Variants in PWWP2B observed in about 807,000 individuals in gnomAD.
The protein encoded by PWWP2B is PWWP domain containing 2B.
PWWP2B carries 9 observed loss-of-function variants against 15.5 expected under a neutral mutation model. The observed-to-expected ratio is 0.58, with a 90% CI of 0.35 to 1.02. PWWP2B has a LOEUF of 1.02. Among genes scored for constraint, PWWP2B ranks in the 50% least tolerant of loss-of-function variants. The pLI is 0.02. For synonymous variants in PWWP2B, 474 were observed against 403.6 expected (o/e 1.17, Z -2.09); for missense variants, 864 against 865.3 (o/e 1.00, Z 0.02).
chr10:132,397,715 A>G (rs1290877995), intron 1 of PWWP2B, among the ~76,000 whole-genome samples: 1 of 152,222 alleles, frequency 6.6e-6, no homozygotes, highest in Non-Finnish European at 1.5e-5. Context: ...GGGGAGGGTC[A>G]GATGCGCCGT....
chr10:132,409,834 C>A (rs539566048), intron 2 of PWWP2B, among the ~76,000 whole-genome samples: 3 of 152,224 alleles, frequency 2.0e-5, no homozygotes, highest in Non-Finnish European at 4.4e-5. Context: ...GGACTGGGAT[C>A]CGGGAAGGCT....
Position 132,417,100 on chromosome 10 carries a change from C to A in PWWP2B, c.*56C>A. On this transcript the variant is annotated 3_prime_UTR_variant, in exon 3 of 3. Coordinates refer to ENST00000305233, the MANE Select transcript of PWWP2B (RefSeq NM_138499.4). Reference sequence around the variant, plus strand: ...GGGCGCACCTGCTGTCCTGGAGCTTCCGATCTCTGTTCGGGGACCCTGTGA... The same window carrying A: ...GGGCGCACCTGCTGTCCTGGAGCTTACGATCTCTGTTCGGGGACCCTGTGA... 6.2e-7 allele frequency: 1 copy of A among 1,613,654 alleles called. No individual in the cohort carries two copies. The highest frequency in any genetic ancestry group is 1.1e-5 in the South Asian group (1 of 91,078).
At chr10:132,403,462 G>A (rs1177068269) in intron 1 of PWWP2B, among the ~76,000 whole-genome samples, 1 of 152,216 alleles carries the variant, frequency 6.6e-6, no homozygotes, top group African/African-American at 2.4e-5. Flanking sequence ...GGTAACATCA[G>A]CGTTCGCAGA....
Position 132,408,352 on chromosome 10 carries a change from G to A in PWWP2B, c.*16+2063G>A, listed in dbSNP as rs891009754. Among the ~76,000 whole-genome samples, 7 of 152,218 alleles carry A rather than the reference G, an allele frequency of 4.6e-5. No individual in the cohort carries two copies. In the South Asian group the frequency reaches 6.2e-4, roughly 14 times the overall value. The stretch of plus-strand genomic sequence containing the variant: ...ACGTTTGCTTTGAAGTGTCAGCAGC[G>A]CACCTCTGGTCTGCTCTTTGTAGGG... On this transcript the variant is annotated intron_variant, in intron 2 of 2. Transcript: ENST00000305233.
intron 1 of PWWP2B, among the ~76,000 whole-genome samples, chr10:132,403,763 G>A (rs1294138203): frequency 6.6e-6 from 1 of 152,258 alleles, no homozygotes; most frequent in Non-Finnish European, 1.5e-5. Flanking sequence ...GCAGCCGCGG[G>A]GCCTTAATTG....
chr10:132,405,691 T>A lies in PWWP2B; in HGVS notation c.1191T>A (p.Gly397=), dbSNP rs751863718. ...ATGACTTCAAGAGCTGTCCCCAGGG[T>A]CCACAGGGACGCGAGGGCTTGGCTT... The part of the protein sequence containing the change: ...EDDDFKSCPQ[G]PQGREGLAFL... The change falls in exon 2 of 3, where the codon GGT becomes GGA. Residue 397 remains glycine, a synonymous_variant. Coordinates refer to ENST00000305233, the MANE Select transcript of PWWP2B (RefSeq NM_138499.4). 18 of 1,612,154 alleles carry A rather than the reference T, an allele frequency of 1.1e-5. No homozygotes were observed. In the East Asian group the frequency reaches 4.0e-4, roughly 36 times the overall value.
chr10:132,413,874 G>A (rs1215109657), intron 2 of PWWP2B, among the ~76,000 whole-genome samples: 2 of 152,242 alleles, frequency 1.3e-5, no homozygotes, highest in Non-Finnish European at 2.9e-5. Flanking sequence ...AGGCAGGGAG[G>A]TGCTGGTGCC....
At chr10:132,415,503 C>CCACTCACATT (rs2069837262) in intron 2 of PWWP2B, among the ~76,000 whole-genome samples, 1 of 143,040 alleles carries the variant, frequency 7.0e-6, no homozygotes, top group African/African-American at 2.7e-5. Context: ...TCACACACAT[C>CCACTCACATT]CACTCACATC....
Position 132,406,829 on chromosome 10 carries a change from A to T in PWWP2B, c.*16+540A>T, listed in dbSNP as rs564439543. On this transcript the variant is annotated intron_variant, in intron 2 of 2. Transcript: ENST00000305233. Reference sequence around the variant, plus strand: ...TGAAGCCCCCACCCCAACTCCCCAGACTGGCCCAGCCCTGCCCCCTGTGAC... The same window carrying T: ...TGAAGCCCCCACCCCAACTCCCCAGTCTGGCCCAGCCCTGCCCCCTGTGAC... Among the ~76,000 whole-genome samples the T allele has an allele frequency of 2.0e-5, 3 of 152,250 alleles. No individual in the cohort carries two copies. In the South Asian group the frequency reaches 6.2e-4, roughly 32 times the overall value.
intron 2 of PWWP2B, among the ~76,000 whole-genome samples, chr10:132,413,779 A>G (rs1328118096): frequency 6.6e-6 from 1 of 151,736 alleles, no homozygotes; most frequent in Non-Finnish European, 1.5e-5. Flanking sequence ...CCCTGGGGGG[A>G]CTCTGGCTGT....
intron 2 of PWWP2B, among the ~76,000 whole-genome samples, chr10:132,415,172 G>A (rs2069828479): frequency 6.6e-6 from 1 of 151,934 alleles, no homozygotes; most frequent in Non-Finnish European, 1.5e-5. Flanking sequence ...TGAAGAGGCT[G>A]AGATCTCTCC....
At chr10:132,408,783 ACTCT>A (rs1286502579) in intron 2 of PWWP2B, among the ~76,000 whole-genome samples, 5 of 152,046 alleles carry the variant, frequency 3.3e-5, no homozygotes, top group Admixed American at 2.0e-4. Flanking sequence ...GAGACCCCTC[ACTCT>A]CTCTCAGCTT....
intron 2 of PWWP2B, among the ~76,000 whole-genome samples, chr10:132,414,923 GGCCTCCGAGA>G (rs1304144002): frequency 6.6e-6 from 1 of 152,150 alleles, no homozygotes; most frequent in Non-Finnish European, 1.5e-5. Context: ...GTGTCAGCGG[GGCCTCCGAGA>G]GCCTCCTGCT....
chr10:132,411,482 T>A (rs1345814905), intron 2 of PWWP2B, among the ~76,000 whole-genome samples: 2 of 152,182 alleles, frequency 1.3e-5, no homozygotes, highest in African/African-American at 4.8e-5. Context: ...CACCCGAGCC[T>A]CATGTCCGAC....
In PWWP2B at chr10:132,405,478, G is replaced by T. The variant is rs369362715; in HGVS notation, c.978G>T (p.Ala326=). Reference sequence around the variant, plus strand: ...TGACACGGCCTGTGCCGGCCGGCGCGGACCTGCCGCCCCCTAAGATCCGCC... The same window carrying T: ...TGACACGGCCTGTGCCGGCCGGCGCTGACCTGCCGCCCCCTAAGATCCGCC... ...LKLTRPVPAG[A]DLPPPKIRLK... Residue 326 remains alanine (A), a synonymous_variant, in exon 2 of 3, where the codon GCG becomes GCT. Transcript: ENST00000305233. 1.2e-6 allele frequency: 2 copies of T among 1,605,014 alleles called. No homozygotes were observed. Among genetic ancestry groups the T allele is most frequent in the South Asian group, 1.1e-5 (1 of 91,040 alleles).
At chr10:132,414,994 TTG>T (rs1278898092) in intron 2 of PWWP2B, among the ~76,000 whole-genome samples, 3 of 152,196 alleles carry the variant, frequency 2.0e-5, no homozygotes, top group Non-Finnish European at 4.4e-5. Flanking sequence ...TCTCTTTAAT[TTG>T]TGTTTGTGTC....
rs764927480 is a variant in PWWP2B at position 132,406,086 on chromosome 10, C to T, written c.1586C>T (p.Ser529Leu). The T allele has an allele frequency of 3.1e-6, 5 of 1,613,616 alleles. No individual in the cohort carries two copies. Among genetic ancestry groups the T allele is most frequent in the Non-Finnish European group, 3.4e-6 (4 of 1,179,920 alleles). ...GEPSWREAKV[S>L]WFGSPTTSFL... ...CCGTCTTGGCGAGAAGCGAAGGTCT[C>T]GTGGTTTGGTTCTCCGACTACGTCG... The change falls in exon 2 of 3, where the codon TCG becomes TTG. Residue 529 changes from serine to leucine, a missense_variant. Transcript: ENST00000305233.
chr10:132,410,629 G>A (rs1295969869), intron 2 of PWWP2B, among the ~76,000 whole-genome samples: 5 of 152,272 alleles, frequency 3.3e-5, no homozygotes, highest in African/African-American at 1.2e-4. Context: ...AGGGCCAATG[G>A]GGACACCTGG....
intron 1 of PWWP2B, 105 bp downstream of exon 1, chr10:132,397,456 C>T (rs2069552553): frequency 9.2e-7 from 1 of 1,083,696 alleles, no homozygotes; most frequent in Non-Finnish European, 1.1e-6. Flanking sequence ...TGGCGTGGCC[C>T]CGGCGCCCGC....
Sources: gnomAD v4.1 joint callset for allele counts (sites outside exome capture counted in the v4.1 genomes callset) on GRCh38, gnomAD v4.1.1 for gene constraint, MANE v1.5 for transcripts, NCBI Gene and HGNC (gene_info 2026-07-23, HGNC 2026-07-21) for gene names.